UBE2Z: variants seen among roughly 807,000 people sequenced by gnomAD.
UBE2Z encodes ubiquitin-conjugating enzyme E2 Z.
UBE2Z carries 10 observed loss-of-function variants against 32.6 expected under a neutral mutation model. The observed-to-expected ratio is 0.31, with a 90% CI of 0.19 to 0.52. The LOEUF is 0.52. Among genes scored for constraint, UBE2Z ranks in the 20% least tolerant of loss-of-function variants. The pLI, the probability that UBE2Z is intolerant of heterozygous loss-of-function variation, is 0.97. For synonymous variants in UBE2Z, 183 were observed against 190.8 expected (o/e 0.96, Z 0.34); for missense variants, 343 against 480.9 (o/e 0.71, Z 2.68).
chr17:48,925,515 T>C (rs1423581417), intron 6 of UBE2Z, among the ~76,000 whole-genome samples: 1 of 152,198 alleles, frequency 6.6e-6, no homozygotes, highest in Non-Finnish European at 1.5e-5. Context: ...CAGGGCTGGC[T>C]CAGGACTAAG....
intron 1 of UBE2Z, chr17:48,910,590 G>C (rs1336537914): frequency 2.2e-6 from 1 of 447,334 alleles, no homozygotes; most frequent in African/African-American, 2.0e-5. Context: ...TCCCCCTGAG[G>C]AAACAATGCC....
intron 4 of UBE2Z, among the ~76,000 whole-genome samples, chr17:48,917,188 C>T (rs1035209477): frequency 1.3e-5 from 2 of 152,080 alleles, no homozygotes; most frequent in Non-Finnish European, 2.9e-5. Context: ...CGCCTGTAGT[C>T]CCAGCTACTC....
chr17:48,923,381 A>G (rs561990230), intron 6 of UBE2Z, among the ~76,000 whole-genome samples: 1 of 151,172 alleles, frequency 6.6e-6, no homozygotes, highest in Non-Finnish European at 1.5e-5. Flanking sequence ...CTGTAATCCC[A>G]GCACTTTGGG....
rs747389446 is a variant in UBE2Z, at chr17:48,929,055, A to G, written c.*1921A>G. The stretch of plus-strand genomic sequence containing the variant: ...GGTGCAATAAAGTTTGTTTTGGCAG[A>G]AGGAGGAAGTGCCTGTGGGTGTGGG... On this transcript the variant is annotated 3_prime_UTR_variant, in exon 7 of 7. Coordinates refer to ENST00000360943, the MANE Select transcript of UBE2Z (RefSeq NM_023079.5). 3.9e-5 allele frequency: 6 copies of G among 152,428 alleles called. No individual in the cohort carries two copies. Among genetic ancestry groups the G allele is most frequent in the East Asian group, 1.9e-4 (1 of 5,190 alleles). The allele number at this position is 152,428 out of a possible 1,614,324, so 9.4% of individuals were successfully genotyped here. A position where few individuals can be genotyped will look rare whatever the true frequency, so the allele number is the denominator to read the frequency against.
At chr17:48,918,240 CTTAA>C (rs2040734267) in intron 4 of UBE2Z, among the ~76,000 whole-genome samples, 1 of 152,014 alleles carries the variant, frequency 6.6e-6, no homozygotes, top group South Asian at 2.1e-4. Context: ...GCCTGGCCAA[CTTAA>C]TTTATTTTTA....
At chr17:48,910,204 C>T (rs898307290) in intron 1 of UBE2Z, 1 of 152,874 alleles carries the variant, frequency 6.5e-6, no homozygotes, top group Admixed American at 6.5e-5. Flanking sequence ...CACATGTCAT[C>T]TTCCAGATGG....
At chr17:48,926,462 C>T (rs907321791) in intron 6 of UBE2Z, among the ~76,000 whole-genome samples, 6 of 140,632 alleles carry the variant, frequency 4.3e-5, no homozygotes, top group South Asian at 2.4e-4. Context: ...CTATTTGGGG[C>T]GGTAAGAGTG....
chr17:48,913,649 G>T (rs556108132), intron 3 of UBE2Z, among the ~76,000 whole-genome samples: 1 of 152,092 alleles, frequency 6.6e-6, no homozygotes, highest in African/African-American at 2.4e-5. Flanking sequence ...CACCGTGCCC[G>T]GCCCAGAAAT....
chr17:48,909,444 AC>A (rs1315217467), intron 1 of UBE2Z, among the ~76,000 whole-genome samples: 2 of 151,008 alleles, frequency 1.3e-5, no homozygotes, highest in African/African-American at 2.4e-5. Flanking sequence ...GTCCACTCTT[AC>A]GCCTCTTCCA....
intron 4 of UBE2Z, 31 bp from the exon 5 acceptor site, chr17:48,921,129 T>C: frequency 1.3e-6 from 2 of 1,572,292 alleles, no homozygotes; most frequent in Non-Finnish European, 8.7e-7. Context: ...TGCTTAATTT[T>C]TGGAATACTC....
rs2040803428 is a variant in UBE2Z, at chr17:48,927,065, T to C, written c.996T>C (p.Asn332=). The change falls in exon 7 of 7, where the codon AAT becomes AAC. Residue 332 remains asparagine, a synonymous_variant. Coordinates refer to ENST00000360943, the MANE Select transcript of UBE2Z (RefSeq NM_023079.5). ...TGCTGGAGAGGCTCCATAATGAGAA[T>C]GCAGAAATGGACTCTGATAGCAGTT... ...QKVLERLHNE[N]AEMDSDSSSS... is the part of the protein sequence containing the mutation. The C allele has an allele frequency of 1.2e-6, 2 of 1,613,840 alleles. No individual in the cohort carries two copies. Among genetic ancestry groups the C allele is most frequent in the Non-Finnish European group, 1.7e-6 (2 of 1,179,890 alleles).
Position 48,927,192 on chromosome 17 carries a change from C to A in UBE2Z, c.*58C>A, listed in dbSNP as rs758061472. On this transcript the variant is annotated 3_prime_UTR_variant, in exon 7 of 7. Coordinates refer to ENST00000360943, the MANE Select transcript of UBE2Z (RefSeq NM_023079.5). ...GAGTCCCAGCAGAATCCCTTCCCCC[C>A]ACCCCAGGGATGGAGAGGCACTGTG... The A allele has an allele frequency of 5.1e-5, 79 of 1,563,294 alleles. No individual in the cohort carries two copies. Among genetic ancestry groups the A allele is most frequent in the Non-Finnish European group, 5.5e-5 (63 of 1,143,750 alleles).
rs557050999 is a variant in UBE2Z at position 48,924,000 on chromosome 17, C to G, written c.894+1063C>G. Among the ~76,000 whole-genome samples the G allele has an allele frequency of 4.6e-5, 7 of 152,346 alleles. No homozygotes were observed. The South Asian group carries it at 6.2e-4, about 14-fold the overall frequency. ...CCTCCCAAGTAGTTGGGATTACAGG[C>G]ATACGCCATCATGCCCAGCTAATTT... On this transcript the variant is annotated intron_variant, in intron 6 of 6. Transcript: ENST00000360943.
Position 48,921,288 on chromosome 17 carries a change from GC to G in UBE2Z, c.803+17del, listed in dbSNP as rs111975724. ...AACCCCTACGGTATGTGTCAAGCGG[GC>G]TTGCTTGGTATTCCTTTCGGGCATT... On this transcript the variant is annotated intron_variant, in intron 5 of 6. Transcript: ENST00000360943. 1.8e-4 allele frequency: 292 copies of G among 1,596,012 alleles called. No homozygotes were observed. In the African/African-American group the frequency reaches 3.8e-3, roughly 21 times the overall value.
Position 48,908,614 on chromosome 17 carries a change from C to A in UBE2Z, c.111C>A (p.Phe37Leu). The change falls in exon 1 of 7, where the codon TTC becomes TTA. Residue 37 changes from phenylalanine to leucine, a missense_variant. Coordinates refer to ENST00000360943, the MANE Select transcript of UBE2Z (RefSeq NM_023079.5). ...VVGVSGSGGG[F>L]GPPFLPDVWA... is the part of the protein sequence containing the mutation. ...GCGTTAGCGGCAGCGGCGGCGGGTTCGGGCCGCCTTTCCTGCCGGATGTGT... is the reference window on the plus strand; with the variant it reads ...GCGTTAGCGGCAGCGGCGGCGGGTTAGGGCCGCCTTTCCTGCCGGATGTGT... The A allele has an allele frequency of 8.1e-7, 1 of 1,236,558 alleles. No individual in the cohort carries two copies. Among genetic ancestry groups the A allele is most frequent in the Non-Finnish European group, 1.0e-6 (1 of 987,624 alleles). 76.6% of individuals were successfully genotyped at this position (1,236,558 alleles called of 1,614,324 possible).
chr17:48,916,664 A>G (rs2040722740), intron 4 of UBE2Z, among the ~76,000 whole-genome samples: 1 of 151,890 alleles, frequency 6.6e-6, no homozygotes, highest in Non-Finnish European at 1.5e-5. Context: ...AGGGAAAAAA[A>G]GGGAATTGAC....
intron 3 of UBE2Z, among the ~76,000 whole-genome samples, chr17:48,913,340 C>A (rs1228670548): frequency 6.6e-6 from 1 of 152,120 alleles, no homozygotes; most frequent in Non-Finnish European, 1.5e-5. Context: ...GGCCAAAAAT[C>A]TGGTTTTTTT....
At chr17:48,926,825 G>A (rs1249095114) in intron 6 of UBE2Z, 139 bp from the exon 7 acceptor site, 6 of 899,662 alleles carry the variant, frequency 6.7e-6, no homozygotes, top group African/African-American at 3.4e-5. Flanking sequence ...CTGCTGTTTG[G>A]GACTGCCTGT....
chr17:48,916,249 G>GGTTTTTTT lies in UBE2Z; in HGVS notation c.690+71_690+78dup, dbSNP rs1399174485. 895 of 660,232 alleles carry GGTTTTTTT rather than the reference G, an allele frequency of 1.4e-3. 10 individuals are homozygous for GGTTTTTTT. The East Asian group carries it at 0.017, about 13-fold the overall frequency. The allele number at this position is 660,232 out of a possible 1,614,324, so 40.9% of individuals were successfully genotyped here. A position where few individuals can be genotyped will look rare whatever the true frequency, so the allele number is the denominator to read the frequency against. On this transcript the variant is annotated intron_variant, in intron 4 of 6. Transcript: ENST00000360943. ...ATTGTTTTTGTTTGTTTGGTTGGTTGGTTTTTTTGTTTTTTTTTTTTTTTG... is the reference window on the plus strand; with the variant it reads ...ATTGTTTTTGTTTGTTTGGTTGGTTGGTTTTTTTGTTTTTTTGTTTTTTTTTTTTTTTG...
Sources: gnomAD v4.1 joint callset for allele counts (sites outside exome capture counted in the v4.1 genomes callset) on GRCh38, gnomAD v4.1.1 for gene constraint, MANE v1.5 for transcripts, NCBI Gene and HGNC (gene_info 2026-07-23, HGNC 2026-07-21) for gene names.